The following FSTL4 variants were observed in gnomAD, a reference collection of about 807,000 sequenced individuals.
FSTL4 encodes follistatin like 4, also known as follistatin-related protein 4.
In FSTL4, 28 loss-of-function variants were observed where a neutral mutation model predicts 78.2. The ratio of observed to expected loss-of-function variants is 0.36; its 90% CI spans 0.27 to 0.49. The LOEUF (loss-of-function observed/expected upper bound fraction) is 0.49. Among genes scored for constraint, FSTL4 ranks in the 20% least tolerant of loss-of-function variants. The probability of loss-of-function intolerance (pLI) is 0.98; values close to 1 mark genes in which losing one functional copy is unlikely to be tolerated. For synonymous variants in FSTL4, 422 were observed against 440.5 expected, an observed-to-expected ratio of 0.96 and a Z score of 0.53; for missense variants, 922 against 1,084.9, an observed-to-expected ratio of 0.85 and a Z score of 2.11.
At chr5:133,751,897 G>C in the FSTL4 span, among the ~76,000 whole-genome samples, 1 of 152,186 alleles carries the variant, frequency 6.6e-6, no homozygotes, top group Non-Finnish European at 1.5e-5. Context: ...TACTGAGTCT[G>C]ATAAATCAGT....
intron 6 of FSTL4, among the ~76,000 whole-genome samples, chr5:133,277,935 C>T (rs1246312246): frequency 6.6e-6 from 1 of 152,214 alleles, no homozygotes; most frequent in Non-Finnish European, 1.5e-5. Context: ...TTTCATCACC[C>T]TCTGCCCATT....
chr5:133,280,803 G>A (rs1411957117), intron 6 of FSTL4, among the ~76,000 whole-genome samples: 1 of 152,174 alleles, frequency 6.6e-6, no homozygotes, highest in African/African-American at 2.4e-5. Flanking sequence ...CCTGCCTCCA[G>A]CCCTTGATTA....
chr5:133,627,876 T>C, the FSTL4 span, among the ~76,000 whole-genome samples: 10 of 151,778 alleles, frequency 6.6e-5, no homozygotes, highest in African/African-American at 2.2e-4. Flanking sequence ...GCATTATTTA[T>C]ATTTATTTTT....
At chr5:133,330,493 G>A (rs955710432) in intron 4 of FSTL4, among the ~76,000 whole-genome samples, 5 of 152,144 alleles carry the variant, frequency 3.3e-5, no homozygotes, top group Non-Finnish European at 5.9e-5. Flanking sequence ...ACTCACTACC[G>A]TGAGGACAGC....
chr5:133,399,269 G>A (rs1171024749), intron 4 of FSTL4, among the ~76,000 whole-genome samples: 4 of 152,156 alleles, frequency 2.6e-5, no homozygotes, highest in African/African-American at 4.8e-5. Context: ...AGGAACTGGC[G>A]GCACGTGGCT....
At chr5:133,364,810 G>A (rs1056271257) in intron 4 of FSTL4, among the ~76,000 whole-genome samples, 3 of 152,100 alleles carry the variant, frequency 2.0e-5, no homozygotes, top group Non-Finnish European at 1.5e-5. Context: ...CTTTGTGCCC[G>A]TGGTTTTAAA....
At chr5:133,319,249 G>A (rs1270952317) in intron 4 of FSTL4, among the ~76,000 whole-genome samples, 4 of 152,228 alleles carry the variant, frequency 2.6e-5, no homozygotes, top group Admixed American at 2.0e-4. Context: ...TCATCTGGGG[G>A]AAAGGGGTGG....
intron 2 of FSTL4, among the ~76,000 whole-genome samples, chr5:133,569,865 A>G (rs1293396543): frequency 6.6e-6 from 1 of 152,054 alleles, no homozygotes; most frequent in Non-Finnish European, 1.5e-5. Flanking sequence ...AATTTTTTGT[A>G]CTGATATTCA....
chr5:133,824,309 C>T, the FSTL4 span, among the ~76,000 whole-genome samples: 1 of 152,318 alleles, frequency 6.6e-6, no homozygotes, highest in Non-Finnish European at 1.5e-5. Flanking sequence ...TCCTTGGGTT[C>T]GATTAATCTG....
chr5:133,502,015 T>C (rs559675561), intron 3 of FSTL4, among the ~76,000 whole-genome samples: 42 of 152,266 alleles, frequency 2.8e-4, no homozygotes, highest in African/African-American at 1.0e-3. Context: ...AAGGGACACC[T>C]GGGGCTTCCA....
intron 6 of FSTL4, among the ~76,000 whole-genome samples, chr5:133,310,607 G>A (rs752853498): frequency 6.6e-6 from 1 of 152,210 alleles, no homozygotes; most frequent in Non-Finnish European, 1.5e-5. Context: ...CCAAGATGGT[G>A]CCCAAGCAGT....
rs889055146 is a variant in FSTL4, at chr5:133,429,254, C to A, written c.161-28268G>T. Among the ~76,000 whole-genome samples, 4 of 152,146 alleles carry A rather than the reference C, an allele frequency of 2.6e-5. No homozygotes were observed. In the South Asian group the frequency reaches 6.2e-4, roughly 24 times the overall value. ...CCCCTTCATCTTTAATTCAAATGAG[C>A]CTGAGGATGACGATGGCAATGGCAC... On this transcript the variant is annotated intron_variant, in intron 3 of 15. Transcript: ENST00000265342.
At chr5:133,739,285 TTC>T in the FSTL4 span, among the ~76,000 whole-genome samples, 1 of 121,382 alleles carries the variant, frequency 8.2e-6, no homozygotes, top group Non-Finnish European at 1.8e-5. Context: ...ATTTTTCTTT[TTC>T]TTTTTTTTTT....
chr5:133,488,442 T>C (rs971262195), intron 3 of FSTL4, among the ~76,000 whole-genome samples: 3 of 152,124 alleles, frequency 2.0e-5, no homozygotes, highest in African/African-American at 4.8e-5. Flanking sequence ...TTGGTAGAGA[T>C]GTGGTTTCGC....
At chr5:133,724,875 T>G in the FSTL4 span, among the ~76,000 whole-genome samples, 3 of 152,242 alleles carry the variant, frequency 2.0e-5, no homozygotes, top group African/African-American at 7.2e-5. Context: ...ATAATCCATT[T>G]CGAGTTGACT....
chr5:133,270,225 G>A (rs1412162371), intron 6 of FSTL4: 1 of 152,208 alleles, frequency 6.6e-6, no homozygotes, highest in Non-Finnish European at 1.5e-5. Context: ...ATTTCGCTCT[G>A]ATGGACTCTC....
chr5:133,597,973 G>A (rs77327951), intron 2 of FSTL4, among the ~76,000 whole-genome samples: 14,237 of 152,088 alleles, frequency 0.094, 802 homozygotes, highest in African/African-American at 0.16. Context: ...CCAGGGAGGA[G>A]CCACGGGTTC....
At chr5:133,792,927 G>T in the FSTL4 span, among the ~76,000 whole-genome samples, 2 of 152,222 alleles carry the variant, frequency 1.3e-5, no homozygotes, top group Non-Finnish European at 2.9e-5. Flanking sequence ...GGAGGGGAAA[G>T]GTCAGAGCTC....
chr5:133,780,120 G>T, the FSTL4 span, among the ~76,000 whole-genome samples: 10 of 152,146 alleles, frequency 6.6e-5, no homozygotes, highest in African/African-American at 9.7e-5. Flanking sequence ...GCCCCGAAAG[G>T]GATGAAAATT....
Sources: gnomAD v4.1 joint callset for allele counts (sites outside exome capture counted in the v4.1 genomes callset) on GRCh38, gnomAD v4.1.1 for gene constraint, MANE v1.5 for transcripts, NCBI Gene and HGNC (gene_info 2026-07-23, HGNC 2026-07-21) for gene names.